CAPN2: variants seen among roughly 807,000 people sequenced by gnomAD.
The protein encoded by CAPN2 is calpain 2.
CAPN2 carries 92 observed loss-of-function variants against 102.3 expected under a neutral mutation model. The observed-to-expected ratio is 0.90, with a 90% CI of 0.76 to 1.07. CAPN2 has a LOEUF of 1.07. Ranked by LOEUF, CAPN2 falls within the 50% of genes least tolerant of loss-of-function variation. The pLI is 0.00. For missense variants in CAPN2, 800 were observed against 909.4 expected, an observed-to-expected ratio of 0.88 and a Z score of 1.55; for synonymous variants, 340 against 355.4, an observed-to-expected ratio of 0.96 and a Z score of 0.49.
intron 16 of CAPN2, among the ~76,000 whole-genome samples, chr1:223,767,909 A>G (rs370491526): frequency 6.6e-6 from 1 of 151,084 alleles, no homozygotes; most frequent in Non-Finnish European, 1.5e-5. Context: ...GTATCTCATT[A>G]TGGTTTTGAT....
At chr1:223,770,588 CATCTT>C (rs1290637778) in intron 18 of CAPN2, 63 bp downstream of exon 18, 260 of 1,041,990 alleles carry the variant, frequency 2.5e-4, no homozygotes, top group African/African-American at 5.4e-4. Flanking sequence ...TGTGAACACT[CATCTT>C]ATACCATATA....
Position 223,737,717 on chromosome 1 carries a change from G to C in CAPN2, c.308-6383G>C, listed in dbSNP as rs994067699. Among the ~76,000 whole-genome samples the C allele has an allele frequency of 3.6e-4, 11 of 30,502 alleles. 2 individuals are homozygous for C. The highest frequency in any genetic ancestry group is 3.9e-3 in the South Asian group (2 of 514). The allele number at this position is 30,502 out of a possible 152,430, so 20.0% of individuals were successfully genotyped here. On this transcript the variant is annotated intron_variant, in intron 2 of 20. Coordinates refer to ENST00000295006, the MANE Select transcript of CAPN2 (RefSeq NM_001748.5). Reference sequence around the variant, plus strand: ...CCAAAAGAGACGGGGCGGGGGGTGGGGGGGAGAGAATACAATAACACCATG... The same window carrying C: ...CCAAAAGAGACGGGGCGGGGGGTGGCGGGGAGAGAATACAATAACACCATG...
At chr1:223,702,125 G>GGAAGGAAGGAAGGAAGGAAA (rs386369761) in intron 1 of CAPN2, among the ~76,000 whole-genome samples, 450 of 141,258 alleles carry the variant, frequency 3.2e-3, no homozygotes, top group African/African-American at 0.011. Flanking sequence ...AAGGAAGGAA[G>GGAAGGAAGGAAGGAAGGAAA]GAAGGAAGGA....
intron 2 of CAPN2, among the ~76,000 whole-genome samples, chr1:223,739,587 T>C (rs761734678): frequency 2.6e-5 from 4 of 152,154 alleles, no homozygotes; most frequent in Non-Finnish European, 4.4e-5. Flanking sequence ...AAGTGCACTG[T>C]TCAGACAGTC....
At chr1:223,704,465 G>A (rs896622869) in intron 1 of CAPN2, among the ~76,000 whole-genome samples, 19 of 152,198 alleles carry the variant, frequency 1.2e-4, no homozygotes, top group African/African-American at 4.6e-4. Context: ...ATATTTGTAA[G>A]TCTCCTCCCA....
Position 223,752,961 on chromosome 1 carries a change from G to A in CAPN2, c.1135+5G>A. 1 of 1,613,906 alleles carries A rather than the reference G, an allele frequency of 6.2e-7. No individual in the cohort carries two copies. The highest frequency in any genetic ancestry group is 8.5e-7 in the Non-Finnish European group (1 of 1,179,926). ...GAGGTTGCAGGAACTACCCGAGTAA[G>A]GGCTGTTGCATATAAGGGCTGTTGC... On this transcript the variant is annotated splice_donor_5th_base_variant and intron_variant, in intron 9 of 20. Transcript: ENST00000295006.
chr1:223,769,706 G>A, intron 16 of CAPN2, 135 bp from the exon 17 acceptor site: 1 of 701,642 alleles, frequency 1.4e-6, no homozygotes. Flanking sequence ...AGTGGGAAAA[G>A]CAGGAAAAGG....
In CAPN2 at chr1:223,727,570, A is replaced by G. The variant is rs1660231191; in HGVS notation, c.307+9739A>G. ...CCATTTGGGGAGCCTGGTGCAAGGG[A>G]GTGGCCGGATGGGAGGTAGGAATAG... On this transcript the variant is annotated intron_variant, in intron 2 of 20. Coordinates refer to ENST00000295006, the MANE Select transcript of CAPN2 (RefSeq NM_001748.5). The surrounding 1 kb of genome is among the most constrained non-coding windows in gnomAD (Gnocchi z 4.1). 6.6e-6 allele frequency among the ~76,000 whole-genome samples: 1 copy of G among 152,172 alleles called. No individual in the cohort carries two copies. The highest frequency in any genetic ancestry group is 1.5e-5 in the Non-Finnish European group (1 of 68,032).
At chr1:223,744,494 A>G (rs1048164041) in intron 3 of CAPN2, among the ~76,000 whole-genome samples, 1 of 152,080 alleles carries the variant, frequency 6.6e-6, no homozygotes, top group Non-Finnish European at 1.5e-5. Context: ...AAAAAAAAAA[A>G]CTGTATTATT....
intron 13 of CAPN2, 45 bp from the exon 14 acceptor site, chr1:223,762,141 A>G (rs2102811279): frequency 6.5e-7 from 1 of 1,546,456 alleles, no homozygotes; most frequent in Non-Finnish European, 8.9e-7. Context: ...ACTTGGTGTC[A>G]TGCCTCGCTC....
chr1:223,744,118 C>A lies in CAPN2; in HGVS notation c.326C>A (p.Ala109Glu), dbSNP rs1457673181. The A allele has an allele frequency of 1.2e-6, 2 of 1,613,166 alleles. No individual in the cohort carries two copies. Among genetic ancestry groups the A allele is most frequent in the Non-Finnish European group, 1.7e-6 (2 of 1,179,198 alleles). Residue 109 changes from alanine (A) to glutamate (E), a missense_variant, in exon 3 of 21, where the codon GCA (alanine) becomes GAA (glutamate). Coordinates refer to ENST00000295006, the MANE Select transcript of CAPN2 (RefSeq NM_001748.5). ...QGALGDCWLL[A>E]AIASLTLNEE... ...TTCACAGGTGACTGCTGGCTGCTGG[C>A]AGCCATTGCCTCCCTCACCTTGAAT...
chr1:223,775,210 A>G lies in CAPN2; in HGVS notation c.*353A>G, dbSNP rs935084950. On this transcript the variant is annotated 3_prime_UTR_variant, in exon 21 of 21. Coordinates refer to ENST00000295006, the MANE Select transcript of CAPN2 (RefSeq NM_001748.5). ...AATGCAGGGAGGTATTTAACAGCTG[A>G]GCAAAAACATTGAGTCGCTCTCAAA... 1.4e-5 allele frequency: 3 copies of G among 208,220 alleles called. No individual in the cohort carries two copies. The highest frequency in any genetic ancestry group is 2.3e-5 in the African/African-American group (1 of 43,304). 12.9% of individuals were successfully genotyped at this position (208,220 alleles called of 1,614,324 possible).
At chr1:223,748,168 G>C (rs1660791429) in intron 5 of CAPN2, among the ~76,000 whole-genome samples, 1 of 152,242 alleles carries the variant, frequency 6.6e-6, no homozygotes, top group African/African-American at 2.4e-5. Context: ...GAGGAGGAAA[G>C]ATTTCCTCAT....
rs922519739 is a variant in CAPN2, at chr1:223,755,236, G to A, written c.1136-244G>A. 4.0e-5 allele frequency among the ~76,000 whole-genome samples: 6 copies of A among 149,328 alleles called. No individual in the cohort carries two copies. Among genetic ancestry groups the A allele is most frequent in the East Asian group, 2.0e-4 (1 of 5,078 alleles). On this transcript the variant is annotated intron_variant, in intron 9 of 20. Transcript: ENST00000295006. The surrounding 1 kb of genome is among the most constrained non-coding windows in gnomAD (Gnocchi z 4.1). The stretch of plus-strand genomic sequence containing the variant: ...CCACTGTCTCCCACAGCCTCCCACC[G>A]CCTCTTGCCAACTCCCACCATCTCC...
intron 9 of CAPN2, 72 bp downstream of exon 9, chr1:223,753,028 CT>C: frequency 7.0e-7 from 1 of 1,418,654 alleles, no homozygotes; most frequent in East Asian, 2.3e-5. Flanking sequence ...TTACCCCACC[CT>C]GTGTACCACA....
chr1:223,770,518 A>C lies in CAPN2; in HGVS notation c.1896A>C (p.Glu632Asp). The C allele has an allele frequency of 2.5e-6, 4 of 1,611,436 alleles. No individual in the cohort carries two copies. The highest frequency in any genetic ancestry group is 2.5e-6 in the Non-Finnish European group (3 of 1,177,646). The change falls in exon 18 of 21, where the codon GAA (glutamate) becomes GAC (aspartate). Residue 632 changes from glutamate (E) to aspartate (D), a missense_variant. By Grantham distance (45) the Glu-to-Asp change is conservative (BLOSUM62 2). Coordinates refer to ENST00000295006, the MANE Select transcript of CAPN2 (RefSeq NM_001748.5). ...MNSYEMRKAL[E>D]EAGFKMPCQL... is the part of the protein sequence containing the mutation. ...CCTATGAAATGCGGAAGGCATTAGA[A>C]GAAGCAGGTAACCCTTTATAACTGC...
intron 2 of CAPN2, among the ~76,000 whole-genome samples, chr1:223,730,538 A>G (rs1040612791): frequency 3.9e-5 from 6 of 152,190 alleles, no homozygotes; most frequent in Non-Finnish European, 7.3e-5. Context: ...TTGGGCTAAA[A>G]TACTTTGATT....
chr1:223,739,952 C>A (rs1660571525), intron 2 of CAPN2, among the ~76,000 whole-genome samples: 1 of 152,176 alleles, frequency 6.6e-6, no homozygotes, highest in Non-Finnish European at 1.5e-5. Context: ...ACAGGCTTTG[C>A]CAGGAAGAGA....
chr1:223,713,057 G>A (rs1659784789), intron 1 of CAPN2, among the ~76,000 whole-genome samples, 180 bp downstream of exon 1: 1 of 152,198 alleles, frequency 6.6e-6, no homozygotes, highest in African/African-American at 2.4e-5. Context: ...CTGTTCGAGC[G>A]TGGGGGGACT....
Sources: gnomAD v4.1 joint callset for allele counts (sites outside exome capture counted in the v4.1 genomes callset) on GRCh38, gnomAD v4.1.1 for gene constraint, Gnocchi (gnomAD v3.1) non-coding constraint, MANE v1.5 for transcripts, NCBI Gene and HGNC (gene_info 2026-07-23, HGNC 2026-07-21) for gene names.